Variants in ABCC4 observed in about 807,000 individuals in gnomAD.
ABCC4 encodes ATP-binding cassette sub-family C member 4.
In ABCC4, 102 loss-of-function variants were observed where a neutral mutation model predicts 168.5. The observed-to-expected ratio is 0.61, with a 90% CI of 0.52 to 0.71. ABCC4 has a LOEUF of 0.71. ABCC4 is among the 30% of genes least tolerant of loss of function. The pLI, the probability that ABCC4 is intolerant of heterozygous loss-of-function variation, is 0.00. For synonymous variants in ABCC4, 617 were observed against 590.7 expected (o/e 1.04, Z -0.65); for missense variants, 1,402 against 1,605.8 (o/e 0.87, Z 2.17).
chr13:95,288,194 G>T (rs2041309304), intron 1 of ABCC4, among the ~76,000 whole-genome samples: 1 of 152,120 alleles, frequency 6.6e-6, no homozygotes, highest in South Asian at 2.1e-4. Flanking sequence ...GTCACACACA[G>T]CTAATATATA....
intron 4 of ABCC4, among the ~76,000 whole-genome samples, chr13:95,216,076 C>T (rs4148467): frequency 0.75 from 113,417 of 152,128 alleles, 43,082 homozygotes; most frequent in Non-Finnish European, 0.84. Context: ...TTAGTAAGCA[C>T]CTACTGTAAG....
intron 1 of ABCC4, among the ~76,000 whole-genome samples, chr13:95,276,139 C>T (rs2040964988): frequency 6.6e-6 from 1 of 152,160 alleles, no homozygotes; most frequent in Non-Finnish European, 1.5e-5. Context: ...CAGGGCTGAG[C>T]ACAATGGTTC....
At chr13:95,254,835 G>GA (rs1384626960) in intron 1 of ABCC4, among the ~76,000 whole-genome samples, 1 of 152,102 alleles carries the variant, frequency 6.6e-6, no homozygotes, top group Non-Finnish European at 1.5e-5. Context: ...TTCCCCTGGA[G>GA]GCATCTAGGC....
intron 4 of ABCC4, among the ~76,000 whole-genome samples, chr13:95,216,608 CAAAAAAAAAAAAA>C (rs199711816): frequency 1.6e-5 from 2 of 125,554 alleles, no homozygotes; most frequent in South Asian, 5.1e-4. Flanking sequence ...AGGAAATTCA[CAAAAAAAAAAAAA>C]AAAAAAAAAA....
intron 3 of ABCC4, among the ~76,000 whole-genome samples, chr13:95,242,363 G>A (rs1305769953): frequency 6.6e-6 from 1 of 151,806 alleles, no homozygotes; most frequent in Non-Finnish European, 1.5e-5. Flanking sequence ...GAGTAGCTGG[G>A]ATTACAGGCG....
At chr13:95,184,043 A>T (rs1478667653) in intron 11 of ABCC4, among the ~76,000 whole-genome samples, 5 of 152,234 alleles carry the variant, frequency 3.3e-5, no homozygotes, top group African/African-American at 1.2e-4. Flanking sequence ...CCAGCAGTCC[A>T]TGCTTACACA....
intron 19 of ABCC4, among the ~76,000 whole-genome samples, chr13:95,128,204 T>C (rs2035849235): frequency 6.6e-6 from 1 of 152,154 alleles, no homozygotes; most frequent in African/African-American, 2.4e-5. Context: ...AAATAACAAT[T>C]CGATGCCAAT....
At chr13:95,120,144 A>G (rs920854683) in intron 19 of ABCC4, among the ~76,000 whole-genome samples, 3 of 53,100 alleles carry the variant, frequency 5.6e-5, no homozygotes, top group Admixed American at 4.6e-4. Flanking sequence ...AAATGGTCTT[A>G]GGTGCCACAT....
At chr13:95,073,743 G>C (rs913489571) in intron 23 of ABCC4, among the ~76,000 whole-genome samples, 1 of 152,110 alleles carries the variant, frequency 6.6e-6, no homozygotes, top group Non-Finnish European at 1.5e-5. Flanking sequence ...ATTAAGTATT[G>C]TAATGCACTG....
At chr13:95,220,019 C>T (rs906545822) in intron 4 of ABCC4, among the ~76,000 whole-genome samples, 2 of 111,504 alleles carry the variant, frequency 1.8e-5, no homozygotes, top group South Asian at 2.5e-4. Context: ...TCATGCCTGG[C>T]TAATTTTTTT....
At chr13:95,080,099 C>T (rs1389027645) in intron 21 of ABCC4, among the ~76,000 whole-genome samples, 2 of 152,284 alleles carry the variant, frequency 1.3e-5, no homozygotes, top group South Asian at 2.1e-4. Context: ...CTTCCCTATT[C>T]CTGTGCCGCT....
At chr13:95,290,741 G>T (rs952950828) in intron 1 of ABCC4, among the ~76,000 whole-genome samples, 5 of 136,778 alleles carry the variant, frequency 3.7e-5, no homozygotes, top group Non-Finnish European at 7.8e-5. Flanking sequence ...AGAGGAAATC[G>T]TGAGGCCAGG....
intron 1 of ABCC4, among the ~76,000 whole-genome samples, chr13:95,251,258 T>A (rs1266290221): frequency 2.0e-5 from 3 of 152,172 alleles, no homozygotes; most frequent in Admixed American, 1.3e-4. Context: ...ACTTTCTCTT[T>A]CCCTCTCTCC....
Position 95,038,174 on chromosome 13 carries a change from TA to T in ABCC4, c.3736-3436del, listed in dbSNP as rs544673474. Among the ~76,000 whole-genome samples, 784 of 152,040 alleles carry T rather than the reference TA, an allele frequency of 5.2e-3. 3 individuals are homozygous for T. The highest frequency in any genetic ancestry group is 0.011 in the South Asian group (55 of 4,808). On this transcript the variant is annotated intron_variant, in intron 29 of 30. Coordinates refer to ENST00000645237, the MANE Select transcript of ABCC4 (RefSeq NM_005845.5). Reference sequence around the variant, plus strand: ...TATGGCCCAAGAAAACAAACTTCATTAAAGTTTCAGGATTAATAATGAGCAA... The same window carrying T: ...TATGGCCCAAGAAAACAAACTTCATTAAGTTTCAGGATTAATAATGAGCAA...
chr13:95,246,998 A>C lies in ABCC4; in HGVS notation c.283T>G (p.Leu95Val). ...ACCTCAATTAACGTAAAAATTCCCA[A>C]AACTAAATAAGATTTCCAGTAACAC... ...IKCYWKSYLVLGIFTLIEESA... is the reference protein window; with the variant it reads ...IKCYWKSYLVVGIFTLIEESA... Residue 95 changes from leucine (L) to valine (V), a missense_variant, in exon 3 of 31, where the codon TTG becomes GTG. Physicochemically the swap from Leu to Val is conservative, Grantham distance 32. Transcript: ENST00000645237. 2 of 1,612,590 alleles carry C rather than the reference A, an allele frequency of 1.2e-6. No individual in the cohort carries two copies. Among genetic ancestry groups the C allele is most frequent in the Middle Eastern group, 1.7e-4 (1 of 6,054 alleles).
chr13:95,096,173 C>G (rs1594086780), intron 20 of ABCC4: 1 of 640,138 alleles, frequency 1.6e-6, no homozygotes. Context: ...ACAGCGAGAT[C>G]CCATCTCTAT....
At chr13:95,127,893 G>T (rs1296982573) in intron 19 of ABCC4, among the ~76,000 whole-genome samples, 1 of 152,064 alleles carries the variant, frequency 6.6e-6, no homozygotes, top group Non-Finnish European at 1.5e-5. Context: ...CACTGAACAT[G>T]TTTAACACAG....
intron 3 of ABCC4, among the ~76,000 whole-genome samples, chr13:95,242,930 C>A (rs1306047536): frequency 6.6e-6 from 1 of 152,062 alleles, no homozygotes; most frequent in Non-Finnish European, 1.5e-5. Flanking sequence ...AGCTTTAGCT[C>A]CCTGAACTTC....
At chr13:95,219,250 G>A (rs2039243538) in intron 4 of ABCC4, among the ~76,000 whole-genome samples, 1 of 152,096 alleles carries the variant, frequency 6.6e-6, no homozygotes, top group Admixed American at 6.6e-5. Flanking sequence ...CAGTTTCTTT[G>A]CCTGAAAAAC....
Sources: gnomAD v4.1 joint callset for allele counts (sites outside exome capture counted in the v4.1 genomes callset) on GRCh38, gnomAD v4.1.1 for gene constraint, MANE v1.5 for transcripts, NCBI Gene and HGNC (gene_info 2026-07-23, HGNC 2026-07-21) for gene names.